KANK1: variants seen among roughly 807,000 people sequenced by gnomAD.
KANK1 encodes KN motif and ankyrin repeat domain-containing protein 1.
A neutral mutation model predicts 106.2 loss-of-function variants in KANK1; 109 were observed. The observed-to-expected ratio is 1.03, with a 90% CI of 0.88 to 1.20. The LOEUF (loss-of-function observed/expected upper bound fraction) is 1.20. Ranked by LOEUF, KANK1 falls within the 50% of genes most tolerant of loss-of-function variation. KANK1 has a pLI of 0.00. For synonymous variants in KANK1, 873 were observed against 652.2 expected (o/e 1.34, Z -5.16); for missense variants, 2,399 against 1,710.7 (o/e 1.40, Z -7.10).
intron 1 of KANK1, among the ~76,000 whole-genome samples, chr9:590,817 A>G (rs139628811): frequency 3.9e-5 from 6 of 152,002 alleles, no homozygotes; most frequent in African/African-American, 1.2e-4. Context: ...CACTTTGGAC[A>G]TATGCATTAA....
intron 1 of KANK1, among the ~76,000 whole-genome samples, chr9:580,161 C>T (rs1401132714): frequency 1.3e-5 from 2 of 151,630 alleles, no homozygotes; most frequent in East Asian, 1.9e-4. Flanking sequence ...CAGACCTTCG[C>T]GGTGAGTGTA....
chr9:743,896 C>A (rs756417530), intron 10 of KANK1, among the ~76,000 whole-genome samples: 1 of 152,162 alleles, frequency 6.6e-6, no homozygotes, highest in Non-Finnish European at 1.5e-5. Context: ...GTTGTTCTTT[C>A]CCTTGATACT....
At chr9:677,164 T>TTTA (rs1816578167) in intron 2 of KANK1, among the ~76,000 whole-genome samples, 155 bp downstream of exon 2, 1 of 152,364 alleles carries the variant, frequency 6.6e-6, no homozygotes, top group Admixed American at 6.5e-5. Context: ...TTTGTTTTGT[T>TTTA]TTACTCTCAG....
rs143283366 is a variant in KANK1 at position 601,615 on chromosome 9, G to A, written c.-83-75275G>A. On this transcript the variant is annotated intron_variant, in intron 1 of 11. Coordinates refer to ENST00000382297, the MANE Select transcript of KANK1 (RefSeq NM_015158.5). ...GTTTCCCTTATTGCTAGTGCTATTC[G>A]TGTGGACTCATCATGGACAGTTACT... 1.8e-4 allele frequency among the ~76,000 whole-genome samples: 28 copies of A among 151,812 alleles called. 2 individuals are homozygous for A. The highest frequency in any genetic ancestry group is 4.9e-4 in the African/African-American group (20 of 41,176).
chr9:702,116 C>T (rs536091962), intron 2 of KANK1, among the ~76,000 whole-genome samples: 3 of 152,138 alleles, frequency 2.0e-5, no homozygotes, highest in Non-Finnish European at 2.9e-5. Flanking sequence ...TTTCTTTAAT[C>T]GATGCCGTTG....
chr9:497,848 G>T (rs1430963778), intron 3 of KANK1, among the ~76,000 whole-genome samples: 4 of 131,668 alleles, frequency 3.0e-5, no homozygotes, highest in Non-Finnish European at 5.9e-5. Context: ...GTGAGACCCT[G>T]TATTAACCCC....
intron 1 of KANK1, among the ~76,000 whole-genome samples, chr9:509,925 C>G (rs1029579097): frequency 6.6e-6 from 1 of 152,022 alleles, no homozygotes; most frequent in Admixed American, 6.6e-5. Context: ...GCCTGCCTCC[C>G]GAGTAGCTGG....
At chr9:684,094 C>A in intron 2 of KANK1, 3 of 896,098 alleles carry the variant, frequency 3.3e-6, no homozygotes, top group Non-Finnish European at 4.0e-6. Context: ...TGAAAAGCCC[C>A]TGGCTCATCA....
rs759354027 is a variant in KANK1, at chr9:745,162, C to G, written c.3997-11C>G. ...ATTAACCCCCAGTTTTTTTCCTTTC[C>G]TGGTCTCTAGGGCACCCCTAGGCTT... On this transcript the variant is annotated splice_polypyrimidine_tract_variant and intron_variant, in intron 11 of 11. Coordinates refer to ENST00000382297, the MANE Select transcript of KANK1 (RefSeq NM_015158.5). 6.2e-7 allele frequency: 1 copy of G among 1,612,258 alleles called. No individual in the cohort carries two copies. Among genetic ancestry groups the G allele is most frequent in the Non-Finnish European group, 8.5e-7 (1 of 1,179,316 alleles).
chr9:624,728 G>GGT (rs2136516304), intron 1 of KANK1, among the ~76,000 whole-genome samples: 1 of 152,304 alleles, frequency 6.6e-6, no homozygotes, highest in South Asian at 2.1e-4. Flanking sequence ...GAACCTGGGA[G>GGT]GTGGAGGGTG....
At chr9:725,262 T>G (rs1420573346) in intron 3 of KANK1, among the ~76,000 whole-genome samples, 1 of 151,978 alleles carries the variant, frequency 6.6e-6, no homozygotes, top group Non-Finnish European at 1.5e-5. Context: ...AATTAAAAAT[T>G]AGGTGATATC....
intron 2 of KANK1, among the ~76,000 whole-genome samples, chr9:694,079 G>A: frequency 6.6e-6 from 1 of 152,028 alleles, no homozygotes; most frequent in South Asian, 2.1e-4. Context: ...CTTTTTTGTT[G>A]CTAAATCCAT....
At chr9:579,635 G>A (rs1373694332) in intron 1 of KANK1, among the ~76,000 whole-genome samples, 1 of 152,124 alleles carries the variant, frequency 6.6e-6, no homozygotes, top group Admixed American at 6.5e-5. Flanking sequence ...GGTCCAGTGA[G>A]CCATGGTGGG....
intron 1 of KANK1, among the ~76,000 whole-genome samples, chr9:643,521 G>C (rs1838946428): frequency 6.9e-6 from 1 of 145,072 alleles, no homozygotes; most frequent in Non-Finnish European, 1.5e-5. Flanking sequence ...AAATAAACCA[G>C]AATTTGCTTT....
chr9:589,566 C>T (rs1342810549), intron 1 of KANK1, among the ~76,000 whole-genome samples: 2 of 152,008 alleles, frequency 1.3e-5, no homozygotes, highest in Non-Finnish European at 2.9e-5. Flanking sequence ...GGGGCCAGGA[C>T]TTCCGTGACT....
chr9:603,832 C>CA (rs1828387660), intron 1 of KANK1, among the ~76,000 whole-genome samples: 1 of 150,928 alleles, frequency 6.6e-6, no homozygotes, highest in African/African-American at 2.5e-5. Flanking sequence ...TGGTGGTGTG[C>CA]GCCATAGTCC....
chr9:550,740 G>A (rs1373705622), intron 1 of KANK1, among the ~76,000 whole-genome samples: 3 of 152,216 alleles, frequency 2.0e-5, no homozygotes, highest in African/African-American at 7.2e-5. Context: ...ATGTTTGGCG[G>A]TGTGGGAGTT....
chr9:589,254 G>A (rs1824246776), intron 1 of KANK1, among the ~76,000 whole-genome samples: 1 of 152,174 alleles, frequency 6.6e-6, no homozygotes, highest in South Asian at 2.1e-4. Flanking sequence ...AATTGACTTG[G>A]AGGATTAAGT....
intron 1 of KANK1, among the ~76,000 whole-genome samples, chr9:554,834 C>T (rs2088003): frequency 0.24 from 36,000 of 152,018 alleles, 4,539 homozygotes; most frequent in Admixed American, 0.37. Context: ...TATACTAGAA[C>T]GATGTGAAAA....
Sources: allele counts gnomAD v4.1 joint callset (sites outside exome capture counted in the v4.1 genomes callset), GRCh38; gene constraint gnomAD v4.1.1; transcripts MANE v1.5; gene names NCBI Gene and HGNC (gene_info 2026-07-23, HGNC 2026-07-21).